The following KLHL3 variants were observed in gnomAD, a reference collection of about 807,000 sequenced individuals.
KLHL3 encodes kelch like family member 3, also known as kelch-like protein 3.
KLHL3 carries 19 observed loss-of-function variants against 70.5 expected under a neutral mutation model. The observed-to-expected ratio is 0.27, with a 90% CI of 0.19 to 0.40. The LOEUF (loss-of-function observed/expected upper bound fraction) is 0.40, where lower values mean the gene tolerates loss of function less well. Among genes scored for constraint, KLHL3 ranks in the 10% least tolerant of loss-of-function variants. The pLI is 1.00. For synonymous variants in KLHL3, 258 were observed against 290.3 expected, an observed-to-expected ratio of 0.89 and a Z score of 1.13; for missense variants, 512 against 771.1, an observed-to-expected ratio of 0.66 and a Z score of 3.98.
chr5:137,645,907 C>T (rs1751032936), intron 8 of KLHL3, among the ~76,000 whole-genome samples: 1 of 152,112 alleles, frequency 6.6e-6, no homozygotes, highest in Admixed American at 6.5e-5. Context: ...GCTAGAGTAA[C>T]TAAAACAGCA....
At chr5:137,638,862 GA>G in intron 10 of KLHL3, 90 bp downstream of exon 10, 4 of 1,257,128 alleles carry the variant, frequency 3.2e-6, no homozygotes, top group Non-Finnish European at 3.4e-6. Flanking sequence ...CAAATGGACA[GA>G]AAGTTGGTCC....
In KLHL3 at chr5:137,627,485, C is replaced by CT. The variant is rs1394868609; in HGVS notation, c.1591+811_1591+812insA. On this transcript the variant is annotated intron_variant, in intron 13 of 14. Coordinates refer to ENST00000309755, the MANE Select transcript of KLHL3 (RefSeq NM_017415.3). ...AATTAGTAAATATCACCACCCCCCC[C>CT]CCCGGTTTACACTTCCAAGTCAGCC... Among the ~76,000 whole-genome samples, 168 of 129,868 alleles carry CT rather than the reference C, an allele frequency of 1.3e-3. 26 individuals are homozygous for CT. Among genetic ancestry groups the CT allele is most frequent in the African/African-American group, 3.3e-3 (123 of 37,316 alleles). The allele number at this position is 129,868 out of a possible 152,430, so 85.2% of individuals were successfully genotyped here.
At chr5:137,646,268 G>T (rs1751043167) in intron 8 of KLHL3, among the ~76,000 whole-genome samples, 1 of 152,108 alleles carries the variant, frequency 6.6e-6, no homozygotes, top group Non-Finnish European at 1.5e-5. Context: ...AAGGTCTACT[G>T]CAGAAAAGAC....
intron 5 of KLHL3, among the ~76,000 whole-genome samples, chr5:137,680,371 A>T (rs946537830): frequency 1.3e-5 from 2 of 152,112 alleles, no homozygotes; most frequent in African/African-American, 4.8e-5. Flanking sequence ...GCTCATCCAT[A>T]AAAGGCAATC....
intron 8 of KLHL3, among the ~76,000 whole-genome samples, chr5:137,640,377 CA>C (rs1288784535): frequency 1.3e-5 from 2 of 152,154 alleles, no homozygotes; most frequent in Non-Finnish European, 2.9e-5. Context: ...AAGTATTACT[CA>C]AAAGCATTTC....
At chr5:137,732,809 A>G (rs1753201123) in intron 1 of KLHL3, among the ~76,000 whole-genome samples, 1 of 152,186 alleles carries the variant, frequency 6.6e-6, no homozygotes, top group Admixed American at 6.5e-5. Context: ...GTACCATTTA[A>G]TCTTCACAAC....
At chr5:137,628,226 T>TTTGCTG (rs1317080066) in intron 13 of KLHL3, 71 bp downstream of exon 13, 48 of 1,564,722 alleles carry the variant, frequency 3.1e-5, no homozygotes, top group Non-Finnish European at 2.7e-5. Context: ...CTCCCTGCTG[T>TTTGCTG]TTAGAGCCAG....
At position 137,639,852 on chromosome 5, in the gene KLHL3, C is replaced by T. The variant is rs773991706; in HGVS notation, c.1021+8G>A. ...AAAAACAGCTTGCAGAACTGGGAGG[C>T]TGCTCACCTGCTCTGCATCTTCTGG... On this transcript the variant is annotated splice_region_variant and intron_variant, in intron 9 of 14. Coordinates refer to ENST00000309755, the MANE Select transcript of KLHL3 (RefSeq NM_017415.3). The surrounding 1 kb of genome is among the most constrained non-coding windows in gnomAD (Gnocchi z 5.0). The T allele has an allele frequency of 1.4e-5, 22 of 1,608,176 alleles. No individual in the cohort carries two copies. The highest frequency in any genetic ancestry group is 1.8e-5 in the Non-Finnish European group (21 of 1,174,744).
chr5:137,637,091 T>A (rs1422143426), intron 11 of KLHL3, among the ~76,000 whole-genome samples: 2 of 152,144 alleles, frequency 1.3e-5, no homozygotes, highest in South Asian at 2.1e-4. Context: ...AGCTCCAACA[T>A]TTAGCAGCCT....
At chr5:137,640,479 A>T (rs776439580) in intron 8 of KLHL3, among the ~76,000 whole-genome samples, 7 of 152,204 alleles carry the variant, frequency 4.6e-5, no homozygotes, top group Admixed American at 1.3e-4. Context: ...AAAGTTATTA[A>T]ACTGATGATG....
At chr5:137,647,424 C>CGGTGG in intron 8 of KLHL3, 8 of 308,684 alleles carry the variant, frequency 2.6e-5, no homozygotes, top group Non-Finnish European at 4.1e-5. Context: ...GATCAAGACC[C>CGGTGG]TAGCCCTGGC....
intron 4 of KLHL3, chr5:137,692,670 C>A (rs1752351640): frequency 5.8e-6 from 3 of 520,148 alleles, no homozygotes; most frequent in Non-Finnish European, 1.0e-5. Flanking sequence ...AGCCATGCTT[C>A]CCAGTCTTTA....
At chr5:137,704,888 AG>A (rs1160889432) in intron 3 of KLHL3, among the ~76,000 whole-genome samples, 1 of 152,238 alleles carries the variant, frequency 6.6e-6, no homozygotes, top group Non-Finnish European at 1.5e-5. Flanking sequence ...TGATAGGGAC[AG>A]GAAGAAGAAG....
chr5:137,715,179 T>C (rs1752870519), intron 2 of KLHL3, among the ~76,000 whole-genome samples: 1 of 152,178 alleles, frequency 6.6e-6, no homozygotes, highest in African/African-American at 2.4e-5. Flanking sequence ...GGCTTGGCAG[T>C]GACTATGCCA....
intron 8 of KLHL3, among the ~76,000 whole-genome samples, chr5:137,648,282 T>C (rs1751106484): frequency 6.6e-6 from 1 of 152,212 alleles, no homozygotes. Flanking sequence ...CCATCCACCC[T>C]GTCAACAGCT....
chr5:137,625,921 G>C, intron 13 of KLHL3, 25 bp from the exon 14 acceptor site: 1 of 1,614,064 alleles, frequency 6.2e-7, no homozygotes, highest in Non-Finnish European at 8.5e-7. Flanking sequence ...AAAGCCATGG[G>C]AGACATCACA....
intron 7 of KLHL3, among the ~76,000 whole-genome samples, chr5:137,658,514 C>T (rs1751398490): frequency 6.6e-6 from 1 of 152,234 alleles, no homozygotes; most frequent in Non-Finnish European, 1.5e-5. Flanking sequence ...CTCTGATCCT[C>T]AGTTTCCTCA....
In KLHL3 at chr5:137,622,261, T is replaced by C; in HGVS notation, c.1736-135A>G. On this transcript the variant is annotated intron_variant, in intron 14 of 14. Transcript: ENST00000309755. The stretch of plus-strand genomic sequence containing the variant: ...TGCAATTTTTATCCTAATATTGAAG[T>C]GGACTCAGGCTGCTAGCAGCTGGCT... 3.8e-6 allele frequency: 4 copies of C among 1,046,990 alleles called. No homozygotes were observed. The South Asian group carries it at 5.8e-5, about 15-fold the overall frequency. The allele number at this position is 1,046,990 out of a possible 1,614,324, so 64.9% of individuals were successfully genotyped here.
At chr5:137,712,156 C>CA (rs201519598) in intron 2 of KLHL3, among the ~76,000 whole-genome samples, 3,029 of 74,562 alleles carry the variant, frequency 0.041, 308 homozygotes, top group African/African-American at 0.09. Context: ...AAGATTCTGT[C>CA]AAAAAAAAAA....
Sources: allele counts gnomAD v4.1 joint callset (sites outside exome capture counted in the v4.1 genomes callset), GRCh38; gene constraint gnomAD v4.1.1; non-coding constraint Gnocchi (gnomAD v3.1); transcripts MANE v1.5; gene names NCBI Gene and HGNC (gene_info 2026-07-23, HGNC 2026-07-21).